The following CFAP54 variants were observed in gnomAD, a reference collection of about 807,000 sequenced individuals.
The protein encoded by CFAP54 is cilia and flagella associated protein 54.
Under a neutral mutation model 370.4 loss-of-function variants are expected in CFAP54, and 290 were observed. The ratio of observed to expected loss-of-function variants is 0.78; its 90% CI spans 0.71 to 0.86. The LOEUF is 0.86. Ranked by LOEUF, CFAP54 falls within the 40% of genes least tolerant of loss-of-function variation. CFAP54 has a pLI of 0.00. For synonymous variants in CFAP54, 1,206 were observed against 1,236.5 expected, an observed-to-expected ratio of 0.98 and a Z score of 0.52; for missense variants, 3,399 against 3,528.7, an observed-to-expected ratio of 0.96 and a Z score of 0.93.
intron 20 of CFAP54, among the ~76,000 whole-genome samples, chr12:96,577,063 C>T (rs1955986246): frequency 6.6e-6 from 1 of 152,192 alleles, no homozygotes; most frequent in Non-Finnish European, 1.5e-5. Flanking sequence ...CATATGCTGA[C>T]ATCCTCGTGT....
At position 96,829,089 on chromosome 12, in the gene CFAP54, G is replaced by C. The variant is rs1415321493; in HGVS notation, c.9171+1G>C. The stretch of plus-strand genomic sequence containing the variant: ...TAAAGAGCCAACACCACTATCTGAG[G>C]TATGTATTTCTCCTTTAAAATTGTA... On this transcript the variant is annotated splice_donor_variant, in intron 66 of 67. Coordinates refer to ENST00000524981, the MANE Select transcript of CFAP54 (RefSeq NM_001306084.2). LOFTEE classifies it high-confidence loss of function. 3 of 1,481,928 alleles carry C rather than the reference G, an allele frequency of 2.0e-6. No individual in the cohort carries two copies. Among genetic ancestry groups the C allele is most frequent in the African/African-American group, 2.8e-5 (2 of 71,860 alleles). The allele number at this position is 1,481,928 out of a possible 1,614,324, so 91.8% of individuals were successfully genotyped here. A position where few individuals can be genotyped will look rare whatever the true frequency, so the allele number is the denominator to read the frequency against.
chr12:96,511,423 A>G (rs1955165516), intron 4 of CFAP54, among the ~76,000 whole-genome samples: 1 of 152,184 alleles, frequency 6.6e-6, no homozygotes, highest in African/African-American at 2.4e-5. Context: ...GGCTTAGGCA[A>G]TTCTCCTGCC....
intron 14 of CFAP54, among the ~76,000 whole-genome samples, chr12:96,541,471 AG>A (rs1272609520): frequency 1.3e-5 from 2 of 151,978 alleles, no homozygotes; most frequent in African/African-American, 2.4e-5. Context: ...TTTTTAGTAG[AG>A]ACAGGGTTTC....
chr12:96,642,144 A>G (rs972512512), intron 32 of CFAP54, among the ~76,000 whole-genome samples: 11 of 151,876 alleles, frequency 7.2e-5, no homozygotes, highest in Admixed American at 2.6e-4. Context: ...AATTAACATT[A>G]TTGTTTATTT....
chr12:96,507,983 C>T (rs1205538945), intron 4 of CFAP54, among the ~76,000 whole-genome samples: 2 of 152,194 alleles, frequency 1.3e-5, no homozygotes, highest in Non-Finnish European at 2.9e-5. Flanking sequence ...CCATCTCTCA[C>T]ACATCTTGGC....
At chr12:96,859,448 C>T (rs192587117) in intron 66 of CFAP54, among the ~76,000 whole-genome samples, 5 of 151,970 alleles carry the variant, frequency 3.3e-5, no homozygotes, top group East Asian at 3.9e-4. Context: ...GAGTTTCACC[C>T]GGGCTGGAGA....
intron 66 of CFAP54, among the ~76,000 whole-genome samples, chr12:96,846,346 G>A (rs1370580959): frequency 6.6e-6 from 1 of 152,182 alleles, no homozygotes; most frequent in Non-Finnish European, 1.5e-5. Flanking sequence ...ACCCTGTGCA[G>A]GTTATTGTAG....
chr12:96,538,530 G>A lies in CFAP54; in HGVS notation c.1926+12G>A. ...TCAGTACTAACAAAGTATTCCTTTCGCATTCCCTTTCACGTGTTTTTTTTG... is the reference window on the plus strand; with the variant it reads ...TCAGTACTAACAAAGTATTCCTTTCACATTCCCTTTCACGTGTTTTTTTTG... On this transcript the variant is annotated intron_variant, in intron 13 of 67. Transcript: ENST00000524981. 3.9e-6 allele frequency: 6 copies of A among 1,532,686 alleles called. No individual in the cohort carries two copies. The highest frequency in any genetic ancestry group is 3.5e-6 in the Non-Finnish European group (4 of 1,144,892). The allele number at this position is 1,532,686 out of a possible 1,614,324, so 94.9% of individuals were successfully genotyped here.
intron 63 of CFAP54, among the ~76,000 whole-genome samples, chr12:96,799,352 G>A (rs533723782): frequency 5.3e-5 from 8 of 152,252 alleles, no homozygotes; most frequent in South Asian, 2.1e-4. Context: ...TAGTTTTGCC[G>A]TGTTCAGCAT....
intron 50 of CFAP54, among the ~76,000 whole-genome samples, chr12:96,735,293 C>A (rs906370601): frequency 1.3e-5 from 2 of 152,122 alleles, no homozygotes; most frequent in Non-Finnish European, 2.9e-5. Context: ...GTCAGAACCA[C>A]AAGGGATCAT....
chr12:96,834,673 C>A (rs1263838473), intron 66 of CFAP54, among the ~76,000 whole-genome samples: 1 of 152,244 alleles, frequency 6.6e-6, no homozygotes, highest in Non-Finnish European at 1.5e-5. Flanking sequence ...GAAGTAACAG[C>A]CTTGGCTTGG....
Position 96,764,132 on chromosome 12 carries a change from A to T in CFAP54, c.8041-19A>T. On this transcript the variant is annotated intron_variant, in intron 58 of 67. Transcript: ENST00000524981. The stretch of plus-strand genomic sequence containing the variant: ...TTATCACAAAACTTTATATCATAAC[A>T]CATTTGCCATATTTTTAGCCTCCTC... 6.5e-7 allele frequency: 1 copy of T among 1,541,516 alleles called. No individual in the cohort carries two copies. Among genetic ancestry groups the T allele is most frequent in the East Asian group, 2.3e-5 (1 of 44,410 alleles).
At chr12:96,757,386 C>T (rs1958272943) in intron 57 of CFAP54, 109 bp from the exon 58 acceptor site, 2 of 528,110 alleles carry the variant, frequency 3.8e-6, no homozygotes, top group East Asian at 6.3e-5. Flanking sequence ...GTGACAGATG[C>T]TGGTTTTGCC....
chr12:96,763,639 TGTG>T (rs1958362784), intron 58 of CFAP54, among the ~76,000 whole-genome samples: 4 of 152,102 alleles, frequency 2.6e-5, no homozygotes, highest in Admixed American at 1.3e-4. Flanking sequence ...ACTAGCTGGG[TGTG>T]GTGGTGCATG....
intron 60 of CFAP54, among the ~76,000 whole-genome samples, chr12:96,778,953 C>T (rs1473389474): frequency 6.6e-6 from 1 of 151,738 alleles, no homozygotes; most frequent in Admixed American, 6.6e-5. Flanking sequence ...ACTAAAAATA[C>T]AAAAATTAGC....
chr12:96,659,253 C>A lies in CFAP54; in HGVS notation c.5460+907C>A, dbSNP rs187918913. Among the ~76,000 whole-genome samples, 250 of 152,298 alleles carry A rather than the reference C, an allele frequency of 1.6e-3. 1 individual carries two copies. The highest frequency in any genetic ancestry group is 5.8e-3 in the African/African-American group (242 of 41,562). On this transcript the variant is annotated intron_variant, in intron 38 of 67. Coordinates refer to ENST00000524981, the MANE Select transcript of CFAP54 (RefSeq NM_001306084.2). ...GGTTCAAGTGATTCTCCTGCCTCAG[C>A]CTTCCGAGTAGCTGGGATTACAGGT...
At chr12:96,747,747 G>A (rs1288778713) in intron 55 of CFAP54, among the ~76,000 whole-genome samples, 1 of 152,126 alleles carries the variant, frequency 6.6e-6, no homozygotes, top group East Asian at 1.9e-4. Flanking sequence ...TAGACTTCAT[G>A]CCTTATCTGC....
intron 50 of CFAP54, among the ~76,000 whole-genome samples, chr12:96,726,605 G>T (rs1394959250): frequency 3.3e-5 from 5 of 151,466 alleles, no homozygotes; most frequent in African/African-American, 9.7e-5. Flanking sequence ...TATCAATTTT[G>T]TTGATCCTTT....
chr12:96,837,100 G>C (rs997054774), intron 66 of CFAP54, among the ~76,000 whole-genome samples: 14 of 152,136 alleles, frequency 9.2e-5, no homozygotes, highest in Non-Finnish European at 1.5e-4. Flanking sequence ...GGGATTACAG[G>C]TATGAGCCAC....
Sources: gnomAD v4.1 joint callset for allele counts (sites outside exome capture counted in the v4.1 genomes callset) on GRCh38, gnomAD v4.1.1 for gene constraint, MANE v1.5 for transcripts, NCBI Gene and HGNC (gene_info 2026-07-23, HGNC 2026-07-21) for gene names.